Variants in VCAN observed in about 807,000 individuals in gnomAD.
VCAN encodes the protein versican core protein.
In VCAN, 44 loss-of-function variants were observed where a neutral mutation model predicts 245.5. That is an observed-to-expected ratio of 0.18 (90% CI 0.14 to 0.23). The LOEUF is 0.23. Ranked by LOEUF, VCAN falls within the 10% of genes least tolerant of loss-of-function variation. The probability of loss-of-function intolerance (pLI) is 1.00; values close to 1 mark genes in which losing one functional copy is unlikely to be tolerated. For missense variants in VCAN, 3,793 were observed against 4,057.9 expected, an observed-to-expected ratio of 0.93 and a Z score of 1.77; for synonymous variants, 1,413 against 1,437.0, an observed-to-expected ratio of 0.98 and a Z score of 0.38.
intron 5 of VCAN, among the ~76,000 whole-genome samples, chr5:83,511,520 C>G (rs1422497629): frequency 1.3e-5 from 2 of 151,972 alleles, no homozygotes; most frequent in Non-Finnish European, 2.9e-5. Flanking sequence ...AAGTAGAATT[C>G]TGTACCACTT....
intron 1 of VCAN, among the ~76,000 whole-genome samples, chr5:83,474,431 C>G (rs1744307798): frequency 6.6e-6 from 1 of 152,140 alleles, no homozygotes; most frequent in African/African-American, 2.4e-5. Context: ...ACTGCAGAGG[C>G]GTGCCGGGAT....
At chr5:83,557,476 G>A (rs888450847) in intron 12 of VCAN, among the ~76,000 whole-genome samples, 5 of 152,080 alleles carry the variant, frequency 3.3e-5, no homozygotes, top group African/African-American at 9.7e-5. Flanking sequence ...ATTCTGTAGA[G>A]TATCTTAGGA....
intron 7 of VCAN, among the ~76,000 whole-genome samples, chr5:83,526,041 G>A (rs980999352): frequency 6.6e-6 from 1 of 151,932 alleles, no homozygotes; most frequent in Non-Finnish European, 1.5e-5. Context: ...CTGGGTTCAA[G>A]CGATTCTCCT....
At chr5:83,542,826 T>C (rs1747056125) in intron 8 of VCAN, among the ~76,000 whole-genome samples, 1 of 152,234 alleles carries the variant, frequency 6.6e-6, no homozygotes, top group South Asian at 2.1e-4. Context: ...TCAAACACAG[T>C]GCCTACCAGT....
chr5:83,528,556 C>T (rs1461104011), intron 7 of VCAN, among the ~76,000 whole-genome samples: 1 of 152,088 alleles, frequency 6.6e-6, no homozygotes, highest in Non-Finnish European at 1.5e-5. Context: ...CTTGAGGAAG[C>T]AGTGTTGTCA....
At chr5:83,504,599 C>T (rs145387147) in intron 5 of VCAN, among the ~76,000 whole-genome samples, 69 of 152,198 alleles carry the variant, frequency 4.5e-4, no homozygotes, top group African/African-American at 1.6e-3. Flanking sequence ...CCAGTCTGGT[C>T]TCAAACTCCT....
At chr5:83,522,377 G>GA (rs146101985) in intron 7 of VCAN, 68 bp downstream of exon 7, 19 of 1,552,590 alleles carry the variant, frequency 1.2e-5, no homozygotes, top group Non-Finnish European at 1.5e-5. Flanking sequence ...TACTTTTGGG[G>GA]AAAAAAAGTC....
At position 83,571,913 on chromosome 5, in the gene VCAN, G is replaced by T. The variant is rs534554615; in HGVS notation, c.9736-503G>T. On this transcript the variant is annotated intron_variant, in intron 12 of 14. Coordinates refer to ENST00000265077, the MANE Select transcript of VCAN (RefSeq NM_004385.5). ...TTTTTAACCAAATAGATGAATTTGGGTGAAAAGCAATTACAATAAATGAGA... is the reference window on the plus strand; with the variant it reads ...TTTTTAACCAAATAGATGAATTTGGTTGAAAAGCAATTACAATAAATGAGA... Among the ~76,000 whole-genome samples the T allele has an allele frequency of 3.3e-5, 5 of 152,174 alleles. No homozygotes were observed. In the East Asian group the frequency reaches 9.6e-4, roughly 29 times the overall value.
At position 83,520,122 on chromosome 5, in the gene VCAN, G is replaced by A. The variant is rs763936487; in HGVS notation, c.1816G>A (p.Val606Ile). ...DLESVSASTTVSPLIMPDNNG... is the reference protein window; with the variant it reads ...DLESVSASTTISPLIMPDNNG... ...GGAGTCAGTCTCAGCATCCACAACT[G>A]TTTCCCCTTTAATTATGCCTGATAA... Residue 606 changes from valine (V) to isoleucine (I), a missense_variant, in exon 7 of 15, where the codon GTT becomes ATT. Coordinates refer to ENST00000265077, the MANE Select transcript of VCAN (RefSeq NM_004385.5). 1.2e-6 allele frequency: 2 copies of A among 1,614,034 alleles called. No homozygotes were observed. Among genetic ancestry groups the A allele is most frequent in the African/African-American group, 1.3e-5 (1 of 75,034 alleles).
chr5:83,579,556 C>T (rs1469336079), intron 13 of VCAN, among the ~76,000 whole-genome samples: 1 of 152,114 alleles, frequency 6.6e-6, no homozygotes, highest in African/African-American at 2.4e-5. Context: ...AGCCACTGTG[C>T]CTGGCCTGTA....
In VCAN at chr5:83,537,266, C is replaced by T. The variant is rs779895597; in HGVS notation, c.4263C>T (p.Pro1421=). The change falls in exon 8 of 15, where the codon CCC becomes CCT. Residue 1421 remains proline (P), a synonymous_variant. Coordinates refer to ENST00000265077, the MANE Select transcript of VCAN (RefSeq NM_004385.5). ...GGAAGCATCTCGTTACCACTGTGCCCAAGGACCCAGAAGCTGCAGAAGCTA... is the reference window on the plus strand; with the variant it reads ...GGAAGCATCTCGTTACCACTGTGCCTAAGGACCCAGAAGCTGCAGAAGCTA... ...INGKHLVTTV[P]KDPEAAEARR... 3 of 1,613,892 alleles carry T rather than the reference C, an allele frequency of 1.9e-6. No individual in the cohort carries two copies. Among genetic ancestry groups the T allele is most frequent in the Admixed American group, 3.3e-5 (2 of 59,940 alleles).
chr5:83,513,727 TAGACAG>T (rs1283831507), intron 6 of VCAN, among the ~76,000 whole-genome samples: 7 of 152,224 alleles, frequency 4.6e-5, no homozygotes, highest in Non-Finnish European at 8.8e-5. Flanking sequence ...TCTCTAAAAG[TAGACAG>T]ATGTACATTC....
chr5:83,553,392 C>T lies in VCAN; in HGVS notation c.9522C>T (p.His3174=), dbSNP rs961440600. 2 of 1,614,062 alleles carry T rather than the reference C, an allele frequency of 1.2e-6. No homozygotes were observed. The highest frequency in any genetic ancestry group is 8.5e-7 in the Non-Finnish European group (1 of 1,179,970). The part of the protein sequence containing the change: ...QDTETCDYGW[H]KFQGQCYKYF... ...CCGAGACATGTGACTATGGCTGGCA[C>T]AAATTCCAAGGGCAGTGCTACAAAT... is the stretch of plus-strand genomic sequence containing the variant. Residue 3174 remains histidine, a synonymous_variant, in exon 11 of 15, where the codon CAC becomes CAT. Coordinates refer to ENST00000265077, the MANE Select transcript of VCAN (RefSeq NM_004385.5).
At chr5:83,527,142 T>C (rs1428370905) in intron 7 of VCAN, among the ~76,000 whole-genome samples, 1 of 152,234 alleles carries the variant, frequency 6.6e-6, no homozygotes, top group African/African-American at 2.4e-5. Context: ...TGGTTTCTCA[T>C]TGGCATTCTA....
At position 83,539,209 on chromosome 5, in the gene VCAN, C is replaced by T. The variant is rs371500390; in HGVS notation, c.6206C>T (p.Thr2069Met). The T allele has an allele frequency of 4.7e-5, 76 of 1,613,880 alleles. 1 individual carries two copies. Among genetic ancestry groups the T allele is most frequent in the Middle Eastern group, 3.3e-4 (2 of 6,062 alleles). Residue 2069 changes from threonine to methionine, a missense_variant, in exon 8 of 15, where the codon ACG (threonine) becomes ATG (methionine). Physicochemically the swap from Thr to Met is moderately conservative, Grantham distance 81. Transcript: ENST00000265077. Reference protein sequence around the residue: ...TILPTAEVEGTKAPVEKEEVK... With the variant: ...TILPTAEVEGMKAPVEKEEVK... ...TTACCAACAGCAGAAGTGGAAGGTA[C>T]GAAAGCTCCAGTAGAGAAGGAGGAA...
chr5:83,580,283 TTTTC>T lies in VCAN; in HGVS notation c.10064-15_10064-12del. 6.2e-7 allele frequency: 1 copy of T among 1,613,734 alleles called. No individual in the cohort carries two copies. The highest frequency in any genetic ancestry group is 8.5e-7 in the Non-Finnish European group (1 of 1,179,954). On this transcript the variant is annotated intron_variant, in intron 14 of 14. Transcript: ENST00000265077. ...GCAAGTAATATTGTGTGTTTTCTTTTTTTCTTTCTTTCCTTCCATGTAGCATCTG... is the reference window on the plus strand; with the variant it reads ...GCAAGTAATATTGTGTGTTTTCTTTTTTTCTTTCCTTCCATGTAGCATCTG...
chr5:83,546,236 T>G (rs1747213569), intron 9 of VCAN, among the ~76,000 whole-genome samples: 2 of 143,522 alleles, frequency 1.4e-5, no homozygotes, highest in African/African-American at 5.9e-5. Context: ...CATCCTTCTC[T>G]TTAAAGAAAA....
intron 12 of VCAN, among the ~76,000 whole-genome samples, chr5:83,565,916 C>A (rs949057218): frequency 1.4e-5 from 2 of 146,788 alleles, no homozygotes; most frequent in South Asian, 2.3e-4. Context: ...GAAAAAAAAA[C>A]CTCCTGGTTT....
At position 83,539,679 on chromosome 5, in the gene VCAN, C is replaced by T. The variant is rs1746885641; in HGVS notation, c.6676C>T (p.Pro2226Ser). ...AGCTGAACATGTAGTCACAGATTCA[C>T]CAATCAAAAAGGAAGAAAGTACAAA... Reference protein sequence around the residue: ...IPAEHVVTDSPIKKEESTKHF... With the variant: ...IPAEHVVTDSSIKKEESTKHF... Residue 2226 changes from proline (P) to serine (S), a missense_variant, in exon 8 of 15, where the codon CCA (proline) becomes TCA (serine). By Grantham distance (74) the Pro-to-Ser change is moderately conservative. This residue lies in a region of VCAN where 3,182 missense variants were observed against 3,250.3 expected (regional missense o/e 0.98). Coordinates refer to ENST00000265077, the MANE Select transcript of VCAN (RefSeq NM_004385.5). 2.5e-6 allele frequency: 4 copies of T among 1,613,728 alleles called. No individual in the cohort carries two copies. In the South Asian group the frequency reaches 3.3e-5, roughly 13 times the overall value.
Sources: allele counts gnomAD v4.1 joint callset (sites outside exome capture counted in the v4.1 genomes callset), GRCh38; gene constraint gnomAD v4.1.1; regional missense constraint gnomAD v4.1.1; transcripts MANE v1.5; gene names NCBI Gene and HGNC (gene_info 2026-07-23, HGNC 2026-07-21).